The following GLIPR2 variants were observed in gnomAD, a reference collection of about 807,000 sequenced individuals.
GLIPR2 encodes GLI pathogenesis related 2.
GLIPR2 carries 21 observed loss-of-function variants against 20.4 expected under a neutral mutation model. That is an observed-to-expected ratio of 1.03 (90% CI 0.73 to 1.48). The LOEUF (loss-of-function observed/expected upper bound fraction) is 1.48, where lower values mean the gene tolerates loss of function less well. Ranked by LOEUF, GLIPR2 falls within the 40% of genes most tolerant of loss-of-function variation. GLIPR2 has a pLI of 0.00. For synonymous variants in GLIPR2, 91 were observed against 80.5 expected, an observed-to-expected ratio of 1.13 and a Z score of -0.70; for missense variants, 205 against 200.1, an observed-to-expected ratio of 1.02 and a Z score of -0.15.
rs143015896 is a variant in GLIPR2 at position 36,148,551 on chromosome 9, T to C, written c.127T>C (p.Ser43Pro). 1.4e-4 allele frequency: 226 copies of C among 1,613,200 alleles called. No individual in the cohort carries two copies. Among genetic ancestry groups the C allele is most frequent in the Non-Finnish European group, 1.8e-4 (217 of 1,179,204 alleles). Residue 43 changes from serine (S) to proline (P), a missense_variant, in exon 3 of 5, where the codon TCT becomes CCT. Coordinates refer to ENST00000377960, the MANE Select transcript of GLIPR2 (RefSeq NM_022343.4). Reference sequence around the variant, plus strand: ...GAGGCGCTGTGAACTCTGCAGGTATTCTGAGGCCCTGGCCAGCACGAGGAT... The same window carrying C: ...GAGGCGCTGTGAACTCTGCAGGTATCCTGAGGCCCTGGCCAGCACGAGGAT... Reference protein sequence around the residue: ...KNLNREAQQYSEALASTRILK... With the variant: ...KNLNREAQQYPEALASTRILK...
rs1695481176 is a variant in GLIPR2, at chr9:36,163,350, C to CA, written c.*829dup. ...GGCAGCCCAGGCCTGGTCTGGGAGACAGCCCCTCACCCTGCCTGGGCTCTT... is the reference window on the plus strand; with the variant it reads ...GGCAGCCCAGGCCTGGTCTGGGAGACAAGCCCCTCACCCTGCCTGGGCTCTT... On this transcript the variant is annotated 3_prime_UTR_variant, in exon 5 of 5. Transcript: ENST00000377960. The CA allele has an allele frequency of 6.0e-6, 1 of 165,710 alleles. No homozygotes were observed. The highest frequency in any genetic ancestry group is 1.3e-5 in the Non-Finnish European group (1 of 76,516). 10.3% of individuals were successfully genotyped at this position (165,710 alleles called of 1,614,324 possible).
intron 4 of GLIPR2, among the ~76,000 whole-genome samples, chr9:36,161,912 C>A (rs567993075): frequency 2.1e-4 from 32 of 152,272 alleles, no homozygotes; most frequent in African/African-American, 6.0e-4. Flanking sequence ...TCTGGCCAGG[C>A]ACAGTGGCTC....
At chr9:36,157,119 C>T (rs962580786) in intron 4 of GLIPR2, among the ~76,000 whole-genome samples, 26 of 151,318 alleles carry the variant, frequency 1.7e-4, no homozygotes, top group East Asian at 7.8e-4. Context: ...CGAGTTCAAG[C>T]GATTCTCCTG....
intron 1 of GLIPR2, among the ~76,000 whole-genome samples, chr9:36,140,620 G>C (rs1324377755): frequency 3.9e-5 from 6 of 152,130 alleles, no homozygotes; most frequent in Non-Finnish European, 7.3e-5. Context: ...GCTGATGCTT[G>C]GGGGAAGGGG....
intron 4 of GLIPR2, among the ~76,000 whole-genome samples, chr9:36,152,611 A>C (rs1360119597): frequency 6.6e-6 from 1 of 151,668 alleles, no homozygotes; most frequent in Non-Finnish European, 1.5e-5. Context: ...TTAGCTGGGC[A>C]TGATGGTGCA....
At chr9:36,149,960 G>A (rs113947030) in intron 3 of GLIPR2, among the ~76,000 whole-genome samples, 3,051 of 152,294 alleles carry the variant, frequency 0.02, 50 homozygotes, top group Non-Finnish European at 0.028. Context: ...CCTGGGAGGT[G>A]GAGGTTGCCG....
chr9:36,147,997 C>T (rs1160548605), intron 2 of GLIPR2, 103 bp downstream of exon 2: 10 of 742,388 alleles, frequency 1.3e-5, no homozygotes, highest in Non-Finnish European at 2.2e-5. Flanking sequence ...CCTGTAATTT[C>T]AGCACTTTCA....
At chr9:36,149,594 GCCTCCCTCGGGAGCCTTGAGCAGGTC>G (rs1160888810) in intron 3 of GLIPR2, among the ~76,000 whole-genome samples, 1 of 152,220 alleles carries the variant, frequency 6.6e-6, no homozygotes, top group Non-Finnish European at 1.5e-5. Context: ...GCCTCGCACA[GCCTCCCTCGGGAGCCTTGAGCAGGTC>G]CCTCCCTCCT....
intron 1 of GLIPR2, among the ~76,000 whole-genome samples, chr9:36,137,189 A>G (rs1256068683): frequency 6.6e-6 from 1 of 151,736 alleles, no homozygotes; most frequent in Non-Finnish European, 1.5e-5. Flanking sequence ...CATCCCCCTC[A>G]TCCATTTGTT....
intron 4 of GLIPR2, among the ~76,000 whole-genome samples, chr9:36,156,509 A>T (rs1324300837): frequency 5.3e-5 from 8 of 152,146 alleles, no homozygotes; most frequent in Admixed American, 3.3e-4. Context: ...CTGTTATGCA[A>T]TCATCGCCAC....
intron 4 of GLIPR2, among the ~76,000 whole-genome samples, chr9:36,157,119 C>A (rs962580786): frequency 6.6e-6 from 1 of 151,220 alleles, no homozygotes; most frequent in South Asian, 2.1e-4. Context: ...CGAGTTCAAG[C>A]GATTCTCCTG....
chr9:36,144,498 G>T (rs182282062), intron 1 of GLIPR2: 2 of 152,238 alleles, frequency 1.3e-5, no homozygotes, highest in Non-Finnish European at 2.9e-5. Flanking sequence ...ATTGACAAGG[G>T]CTTGGTCCGT....
At chr9:36,141,719 T>A in intron 1 of GLIPR2, 1 of 421,464 alleles carries the variant, frequency 2.4e-6, no homozygotes, top group Non-Finnish European at 4.7e-6. Flanking sequence ...AGTGGTGCGA[T>A]CATGGCTCAC....
intron 4 of GLIPR2, among the ~76,000 whole-genome samples, chr9:36,160,314 C>T (rs12352760): frequency 0.52 from 78,492 of 151,972 alleles, 20,830 homozygotes; most frequent in Admixed American, 0.63. Flanking sequence ...TGAGTCACGG[C>T]GCCCGGCCTT....
In GLIPR2 at chr9:36,146,016, C is replaced by T. The variant is rs535567741; in HGVS notation, c.14-1770C>T. The stretch of plus-strand genomic sequence containing the variant: ...GCTGATCATACCACTCACCCTCCCA[C>T]CAACTCCACTTTCTTTGCTACACTC... On this transcript the variant is annotated intron_variant, in intron 1 of 4. Transcript: ENST00000377960. The T allele has an allele frequency of 2.6e-5, 4 of 152,418 alleles. No individual in the cohort carries two copies. In the East Asian group the frequency reaches 7.7e-4, roughly 29 times the overall value. 9.4% of individuals were successfully genotyped at this position (152,418 alleles called of 1,614,324 possible).
At chr9:36,143,415 G>C (rs1825177905) in intron 1 of GLIPR2, among the ~76,000 whole-genome samples, 1 of 152,186 alleles carries the variant, frequency 6.6e-6, no homozygotes, top group African/African-American at 2.4e-5. Flanking sequence ...GTGCCACTCA[G>C]CCTCATGCAT....
intron 4 of GLIPR2, among the ~76,000 whole-genome samples, chr9:36,156,003 A>G (rs2132771015): frequency 6.6e-6 from 1 of 152,292 alleles, no homozygotes; most frequent in African/African-American, 2.4e-5. Flanking sequence ...TGAGGTTGGG[A>G]GTTCGAGACC....
chr9:36,136,849 C>T lies in GLIPR2; in HGVS notation c.13+58C>T. 1.6e-6 allele frequency: 2 copies of T among 1,259,302 alleles called. No individual in the cohort carries two copies. The highest frequency in any genetic ancestry group is 1.6e-5 in the African/African-American group (1 of 64,430). 78.0% of individuals were successfully genotyped at this position (1,259,302 alleles called of 1,614,324 possible). A position where few individuals can be genotyped will look rare whatever the true frequency, so the allele number is the denominator to read the frequency against. ...TTCGGAACCCCGCGCTCCCGGACCT[C>T]GCCGTCTCCCTCGTCCGCCGCAAGC... On this transcript the variant is annotated intron_variant, in intron 1 of 4. Transcript: ENST00000377960. This position sits in a 1 kb window ranked among gnomAD's most constrained non-coding sequence, Gnocchi z 4.3.
At chr9:36,158,932 G>C (rs1317247694) in intron 4 of GLIPR2, among the ~76,000 whole-genome samples, 1 of 152,168 alleles carries the variant, frequency 6.6e-6, no homozygotes, top group African/African-American at 2.4e-5. Flanking sequence ...GGGCGTGATG[G>C]TGCTCACCTG....
Sources: allele counts gnomAD v4.1 joint callset (sites outside exome capture counted in the v4.1 genomes callset), GRCh38; gene constraint gnomAD v4.1.1; non-coding constraint Gnocchi (gnomAD v3.1); transcripts MANE v1.5; gene names NCBI Gene and HGNC (gene_info 2026-07-23, HGNC 2026-07-21).